Variants in SYNE1 observed in about 807,000 individuals in gnomAD.
SYNE1 encodes the protein spectrin repeat containing nuclear envelope protein 1.
In SYNE1, 616 loss-of-function variants were observed where a neutral mutation model predicts 1,111.0. The ratio of observed to expected loss-of-function variants is 0.55; its 90% CI spans 0.52 to 0.59. The LOEUF (loss-of-function observed/expected upper bound fraction) is 0.59. Among genes scored for constraint, SYNE1 ranks in the 20% least tolerant of loss-of-function variants. The pLI is 0.00. For missense variants in SYNE1, 10,006 were observed against 10,417.0 expected (o/e 0.96, Z 1.72); for synonymous variants, 3,855 against 3,825.8 (o/e 1.01, Z -0.28).
chr6:152,323,530 C>T lies in SYNE1; in HGVS notation c.15865G>A (p.Glu5289Lys), dbSNP rs765576584. The T allele has an allele frequency of 1.9e-5, 30 of 1,614,044 alleles. No individual in the cohort carries two copies. Among genetic ancestry groups the T allele is most frequent in the African/African-American group, 6.7e-5 (5 of 74,942 alleles). The stretch of plus-strand genomic sequence containing the variant: ...ATTTCCTGCATGAGCGGAGGCTCTT[C>T]CCCAGGGGTTGGGGCGGCTCCATCC... Reference protein sequence around the residue: ...LQDGAAPTPGEEPPLMQEITA... With the variant: ...LQDGAAPTPGKEPPLMQEITA... The change falls in exon 82 of 146, where the codon GAA becomes AAA. Residue 5289 changes from glutamate (E) to lysine (K), a missense_variant. Glu to Lys is a moderately conservative substitution (Grantham distance 56, BLOSUM62 1). This residue lies in a region of SYNE1 where 4,955 missense variants were observed against 5,017.2 expected (regional missense o/e 0.99). Coordinates refer to ENST00000367255, the MANE Select transcript of SYNE1 (RefSeq NM_182961.4).
chr6:152,335,147 C>T (rs145027144), intron 76 of SYNE1: 19 of 152,318 alleles, frequency 1.2e-4, no homozygotes, highest in African/African-American at 4.6e-4. Context: ...GACTTCCATA[C>T]TTCCCCACTG....
chr6:152,510,967 T>G, intron 7 of SYNE1, 44 bp downstream of exon 7: 1 of 1,555,626 alleles, frequency 6.4e-7, no homozygotes, highest in South Asian at 1.1e-5. Flanking sequence ...ATGATCTCCC[T>G]CTGAGACATT....
intron 58 of SYNE1, among the ~76,000 whole-genome samples, chr6:152,374,087 G>T (rs189920801): frequency 6.4e-4 from 97 of 152,296 alleles, no homozygotes; most frequent in African/African-American, 2.2e-3. Context: ...ATTAGTAGCA[G>T]CTTATATAAA....
intron 3 of SYNE1, among the ~76,000 whole-genome samples, chr6:152,604,499 TTGCCA>T (rs1440555074): frequency 1.3e-5 from 2 of 152,040 alleles, no homozygotes; most frequent in African/African-American, 4.8e-5. Flanking sequence ...CGATAAGGTT[TTGCCA>T]TGTTGCCCAG....
Position 152,262,015 on chromosome 6 carries a change from T to G in SYNE1, c.18972+17A>C. On this transcript the variant is annotated intron_variant, in intron 101 of 145. Coordinates refer to ENST00000367255, the MANE Select transcript of SYNE1 (RefSeq NM_182961.4). The stretch of plus-strand genomic sequence containing the variant: ...ATCTTTTATATTAGTTAATATATAA[T>G]GTAAAATATTTGATACCACTTGCTC... 2 of 1,596,886 alleles carry G rather than the reference T, an allele frequency of 1.3e-6. No individual in the cohort carries two copies. The highest frequency in any genetic ancestry group is 1.7e-5 in the Admixed American group (1 of 59,756).
At chr6:152,478,926 G>A (rs1281501608) in intron 14 of SYNE1, among the ~76,000 whole-genome samples, 1 of 152,136 alleles carries the variant, frequency 6.6e-6, no homozygotes, top group Non-Finnish European at 1.5e-5. Context: ...AGTGAAATAC[G>A]GACAAGGCAA....
chr6:152,346,989 A>C, intron 73 of SYNE1, 70 bp downstream of exon 73: 2 of 1,558,270 alleles, frequency 1.3e-6, no homozygotes, highest in Non-Finnish European at 1.7e-6. Context: ...TCTATTTGTA[A>C]AAAGTCTCTA....
In SYNE1 at chr6:152,387,176, C is replaced by T. The variant is rs373138491; in HGVS notation, c.8383G>A (p.Ala2795Thr). The change falls in exon 54 of 146, where the codon GCG becomes ACG. Residue 2795 changes from alanine (A) to threonine (T), a missense_variant. Physicochemically the swap from Ala to Thr is moderately conservative, Grantham distance 58. Around this residue, in one of 7 missense-constraint regions of SYNE1, gnomAD observed 4,955 missense variants for 5,017.2 expected, o/e 0.99. Coordinates refer to ENST00000367255, the MANE Select transcript of SYNE1 (RefSeq NM_182961.4). The stretch of plus-strand genomic sequence containing the variant: ...TTTTCGTAGAGCTCCCTGGACTTCG[C>T]AATTAGACGGTGAAGGGCTCTCGTG... ...DHTRALHRLI[A>T]KSRELYEKTE... 1.9e-6 allele frequency: 3 copies of T among 1,614,060 alleles called. No homozygotes were observed. The Admixed American group carries it at 5.0e-5, about 27-fold the overall frequency.
Position 152,520,520 on chromosome 6 carries a change from AT to A in SYNE1, c.247del (p.Met83Ter). On this transcript the variant is annotated frameshift_variant, in exon 6 of 146. Transcript: ENST00000367255. LOFTEE classifies it high-confidence loss of function. ...GTTAGCCACAGCATGGATTCGCTTC[AT>A]CCGGCGTCCTTGTTCACAAGGCTGT... ...QKLPCEQGRR[M>X]KRIHAVANIG... The A allele has an allele frequency of 6.2e-7, 1 of 1,613,728 alleles. No individual in the cohort carries two copies. Among genetic ancestry groups the A allele is most frequent in the Non-Finnish European group, 8.5e-7 (1 of 1,179,736 alleles).
intron 21 of SYNE1, among the ~76,000 whole-genome samples, chr6:152,460,043 G>C (rs894067736): frequency 2.6e-5 from 4 of 152,166 alleles, no homozygotes; most frequent in African/African-American, 9.7e-5. Flanking sequence ...AAATCAGTGT[G>C]TTTTATTGAT....
At chr6:152,627,185 G>A (rs2099687408) in intron 3 of SYNE1, among the ~76,000 whole-genome samples, 1 of 152,172 alleles carries the variant, frequency 6.6e-6, no homozygotes, top group Non-Finnish European at 1.5e-5. Flanking sequence ...TAACAATGAA[G>A]CAGTGAATAT....
At position 152,222,340 on chromosome 6, in the gene SYNE1, G is replaced by A. The variant is rs1305803512; in HGVS notation, c.21523-781C>T. Among the ~76,000 whole-genome samples, 69 of 152,314 alleles carry A rather than the reference G, an allele frequency of 4.5e-4. 1 individual carries two copies. Among genetic ancestry groups the A allele is most frequent in the Non-Finnish European group, 1.5e-4 (10 of 68,020 alleles). ...TTTCTAACAAAGCCATGGCAATGGT[G>A]TTATGTAACGTGCTATCTGCCAAAC... On this transcript the variant is annotated intron_variant, in intron 117 of 145. Coordinates refer to ENST00000367255, the MANE Select transcript of SYNE1 (RefSeq NM_182961.4).
intron 45 of SYNE1, among the ~76,000 whole-genome samples, chr6:152,405,724 G>A (rs2097888438): frequency 1.3e-5 from 2 of 152,178 alleles, no homozygotes; most frequent in Non-Finnish European, 2.9e-5. Flanking sequence ...TTTAGCACCA[G>A]AGATAACAGC....
intron 62 of SYNE1, 142 bp downstream of exon 62, chr6:152,367,076 G>A: frequency 1.9e-6 from 2 of 1,035,112 alleles, no homozygotes; most frequent in East Asian, 2.4e-5. Flanking sequence ...GTGCACCCAA[G>A]GCAGACAGCG....
chr6:152,589,170 G>A (rs1204431445), intron 3 of SYNE1, among the ~76,000 whole-genome samples: 3 of 152,062 alleles, frequency 2.0e-5, no homozygotes, highest in Admixed American at 2.0e-4. Flanking sequence ...GGCTCCCAAA[G>A]TGCTGGGATT....
intron 6 of SYNE1, among the ~76,000 whole-genome samples, chr6:152,516,258 A>G (rs1333821256): frequency 6.6e-6 from 1 of 152,204 alleles, no homozygotes; most frequent in African/African-American, 2.4e-5. Context: ...TAAAAAGATT[A>G]AGAGACTTGT....
intron 54 of SYNE1, among the ~76,000 whole-genome samples, chr6:152,386,437 C>G (rs967543233): frequency 1.3e-5 from 2 of 152,050 alleles, no homozygotes; most frequent in African/African-American, 2.4e-5. Context: ...TATTAATAAT[C>G]ATAATGTCAA....
In SYNE1 at chr6:152,628,390, G is replaced by A; in HGVS notation, c.-59C>T. 2 of 1,517,796 alleles carry A rather than the reference G, an allele frequency of 1.3e-6. No individual in the cohort carries two copies. The highest frequency in any genetic ancestry group is 1.8e-6 in the Non-Finnish European group (2 of 1,092,258). 94.0% of individuals were successfully genotyped at this position (1,517,796 alleles called of 1,614,324 possible). A position where few individuals can be genotyped will look rare whatever the true frequency, so the allele number is the denominator to read the frequency against. On this transcript the variant is annotated 5_prime_UTR_variant, in exon 3 of 146. Coordinates refer to ENST00000367255, the MANE Select transcript of SYNE1 (RefSeq NM_182961.4). ...GACTCTTCACTGGAGGCAGCACAGG[G>A]CTACACCACTCTAGAAAACATGCTT... is the stretch of plus-strand genomic sequence containing the variant.
intron 39 of SYNE1, among the ~76,000 whole-genome samples, chr6:152,424,016 T>C (rs1259702513): frequency 6.6e-6 from 1 of 152,202 alleles, no homozygotes; most frequent in Non-Finnish European, 1.5e-5. Context: ...AATCGTCTTG[T>C]TTGTTCACTT....
Sources: allele counts gnomAD v4.1 joint callset (sites outside exome capture counted in the v4.1 genomes callset), GRCh38; gene constraint gnomAD v4.1.1; regional missense constraint gnomAD v4.1.1; transcripts MANE v1.5; gene names NCBI Gene and HGNC (gene_info 2026-07-23, HGNC 2026-07-21).